The following LCP1 variants were observed in gnomAD, a reference collection of about 807,000 sequenced individuals.
LCP1 encodes the protein lymphocyte cytosolic protein 1, also known as plastin-2.
Under a neutral mutation model 72.0 loss-of-function variants are expected in LCP1, and 23 were observed. That is an observed-to-expected ratio of 0.32 (90% confidence interval 0.23 to 0.45). The LOEUF (loss-of-function observed/expected upper bound fraction) is 0.45. LCP1 is among the 20% of genes least tolerant of loss of function. The pLI, the probability that LCP1 is intolerant of heterozygous loss-of-function variation, is 1.00. For synonymous variants in LCP1, 245 were observed against 275.4 expected (o/e 0.89, Z 1.09); for missense variants, 571 against 748.3 (o/e 0.76, Z 2.76).
At chr13:46,148,860 C>T (rs189555442) in intron 8 of LCP1, 14 of 775,438 alleles carry the variant, frequency 1.8e-5, no homozygotes, top group South Asian at 1.8e-4. Flanking sequence ...AAGTTTAAAG[C>T]GAGTTTAAAA....
chr13:46,146,477 G>A (rs985733710), intron 10 of LCP1, among the ~76,000 whole-genome samples: 4 of 152,104 alleles, frequency 2.6e-5, no homozygotes, highest in Non-Finnish European at 5.9e-5. Flanking sequence ...TGTGGCTCCC[G>A]TAAGAAACAA....
At chr13:46,129,940 C>T (rs1286340532) in intron 15 of LCP1, among the ~76,000 whole-genome samples, 4 of 152,242 alleles carry the variant, frequency 2.6e-5, no homozygotes, top group South Asian at 2.1e-4. Flanking sequence ...AAACACAAAG[C>T]GGGAAGACAG....
At chr13:46,152,442 C>T (rs781673306) in intron 7 of LCP1, among the ~76,000 whole-genome samples, 2 of 152,108 alleles carry the variant, frequency 1.3e-5, no homozygotes, top group African/African-American at 2.4e-5. Context: ...TTGCTTACTT[C>T]GCAAAGTGCA....
At chr13:46,131,034 A>C (rs542896681) in intron 14 of LCP1, 96 bp from the exon 15 acceptor site, 17 of 1,220,188 alleles carry the variant, frequency 1.4e-5, no homozygotes, top group Admixed American at 2.7e-5. Flanking sequence ...CTAAATATAT[A>C]ATATATACAG....
At chr13:46,168,640 C>T (rs1328402580) in intron 1 of LCP1, 1 of 152,208 alleles carries the variant, frequency 6.6e-6, no homozygotes, top group Admixed American at 6.5e-5. Flanking sequence ...CACGTTGATC[C>T]AGTTCACTCC....
intron 14 of LCP1, 44 bp downstream of exon 14, chr13:46,134,083 G>A (rs1434183113): frequency 6.2e-7 from 1 of 1,602,414 alleles, no homozygotes; most frequent in East Asian, 2.2e-5. Context: ...ATACAGATAG[G>A]CATAGAGCTC....
In LCP1 at chr13:46,127,396, G is replaced by T; in HGVS notation, c.*195C>A. 7.1e-6 allele frequency: 4 copies of T among 565,654 alleles called. No homozygotes were observed. Among genetic ancestry groups the T allele is most frequent in the Non-Finnish European group, 1.2e-5 (4 of 324,870 alleles). 35.0% of individuals were successfully genotyped at this position (565,654 alleles called of 1,614,324 possible). ...AAGAATAGAAACCTATATATAGGAG[G>T]TTGGGCCTCCTGCAAAGAATGAAGC... On this transcript the variant is annotated 3_prime_UTR_variant, in exon 16 of 16. Transcript: ENST00000323076.
intron 11 of LCP1, among the ~76,000 whole-genome samples, chr13:46,143,836 G>T (rs1389700211): frequency 6.6e-6 from 1 of 152,198 alleles, no homozygotes; most frequent in Non-Finnish European, 1.5e-5. Flanking sequence ...GGAGACCAAG[G>T]CGGGTGGATC....
chr13:46,176,709 A>G lies in LCP1; in HGVS notation c.-25+5402T>C, dbSNP rs183349331. ...TGCAACCAGAAAAAGAAGGAAAGCA[A>G]ATTATCTGGGAGATTGCAATTCACA... On this transcript the variant is annotated intron_variant, in intron 1 of 15. Coordinates refer to ENST00000323076, the MANE Select transcript of LCP1 (RefSeq NM_002298.5). Among the ~76,000 whole-genome samples the G allele has an allele frequency of 3.9e-5, 6 of 152,320 alleles. No homozygotes were observed. The East Asian group carries it at 1.2e-3, about 29-fold the overall frequency.
intron 1 of LCP1, among the ~76,000 whole-genome samples, chr13:46,166,535 C>G (rs1236100307): frequency 6.6e-6 from 1 of 152,162 alleles, no homozygotes; most frequent in Non-Finnish European, 1.5e-5. Flanking sequence ...CCTAGCTCTG[C>G]CTCAATAAAT....
intron 13 of LCP1, among the ~76,000 whole-genome samples, chr13:46,141,087 A>G (rs1005569697): frequency 2.6e-5 from 4 of 152,126 alleles, no homozygotes. Flanking sequence ...CATAGATTCT[A>G]TAAGTTCAAC....
rs1388859751 is a variant in LCP1 at position 46,130,930 on chromosome 13, C to A, written c.1635G>T (p.Lys545Asn). 1.9e-6 allele frequency: 3 copies of A among 1,604,762 alleles called. No homozygotes were observed. Among genetic ancestry groups the A allele is most frequent in the African/African-American group, 1.3e-5 (1 of 74,184 alleles). ...SSSISSFKDP[K>N]ISTSLPVLDL... ...CCAGAACAGGCAGACTTGTACTAAT[C>A]TTCGGGTCCTATGCAGAGACACAGG... Residue 545 changes from lysine (K) to asparagine (N), a missense_variant, in exon 15 of 16, where the codon AAG becomes AAT. Transcript: ENST00000323076.
intron 13 of LCP1, among the ~76,000 whole-genome samples, chr13:46,136,613 G>A (rs968671382): frequency 1.3e-5 from 2 of 152,064 alleles, no homozygotes; most frequent in Non-Finnish European, 2.9e-5. Flanking sequence ...TTTCTAGTTT[G>A]GAAAAGATCC....
At chr13:46,175,119 A>G (rs74538085) in intron 1 of LCP1, among the ~76,000 whole-genome samples, 4,056 of 152,262 alleles carry the variant, frequency 0.027, 176 homozygotes, top group African/African-American at 0.093. Context: ...GGTCATCTGG[A>G]ATAAGGATAT....
At chr13:46,133,799 G>A (rs375414900) in intron 14 of LCP1, among the ~76,000 whole-genome samples, 8 of 151,938 alleles carry the variant, frequency 5.3e-5, no homozygotes, top group East Asian at 3.9e-4. Flanking sequence ...TCCATACCTC[G>A]CTGGTGGATT....
chr13:46,131,060 G>T, intron 14 of LCP1, 122 bp from the exon 15 acceptor site: 1 of 987,626 alleles, frequency 1.0e-6, no homozygotes, highest in Non-Finnish European at 1.4e-6. Flanking sequence ...TCTGGGAAAT[G>T]CAGCAGTATT....
chr13:46,155,104 G>C (rs752247466), intron 5 of LCP1, among the ~76,000 whole-genome samples: 3 of 152,158 alleles, frequency 2.0e-5, no homozygotes, highest in Non-Finnish European at 4.4e-5. Context: ...GGTTGGAAAT[G>C]AGGACCCCAC....
chr13:46,136,916 T>C (rs573336255), intron 13 of LCP1, among the ~76,000 whole-genome samples: 1 of 152,290 alleles, frequency 6.6e-6, no homozygotes, highest in East Asian at 1.9e-4. Flanking sequence ...CACATGCTCA[T>C]GTAAACGGCA....
rs756230774 is a variant in LCP1 at position 46,127,618 on chromosome 13, G to A, written c.1857C>T (p.Leu619=). Residue 619 remains leucine (L), a synonymous_variant, in exon 16 of 16, where the codon CTC becomes CTT. Coordinates refer to ENST00000323076, the MANE Select transcript of LCP1 (RefSeq NM_002298.5). The stretch of plus-strand genomic sequence containing the variant: ...ACACCCTCTTCATTCCTTTCCCCAT[G>A]AGGCAGGCAAACACGGTCATGACCA... ...PKMVMTVFAC[L]MGKGMKRV 1 of 1,614,160 alleles carries A rather than the reference G, an allele frequency of 6.2e-7. No individual in the cohort carries two copies. The highest frequency in any genetic ancestry group is 1.7e-5 in the Admixed American group (1 of 60,022).
Sources: allele counts gnomAD v4.1 joint callset (sites outside exome capture counted in the v4.1 genomes callset), GRCh38; gene constraint gnomAD v4.1.1; transcripts MANE v1.5; gene names NCBI Gene and HGNC (gene_info 2026-07-23, HGNC 2026-07-21).